RYR1: variants seen among roughly 807,000 people sequenced by gnomAD.
RYR1 encodes the protein ryanodine receptor 1.
RYR1 carries 342 observed loss-of-function variants against 583.5 expected under a neutral mutation model. That is an observed-to-expected ratio of 0.59 (90% CI 0.54 to 0.64). The LOEUF is 0.64. RYR1 is among the 30% of genes least tolerant of loss of function. The pLI is 0.00. For missense variants in RYR1, 6,032 were observed against 6,917.2 expected (o/e 0.87, Z 4.54); for synonymous variants, 2,791 against 2,822.5 (o/e 0.99, Z 0.35).
chr19:38,452,728 C>A, intron 12 of RYR1, 91 bp from the exon 13 acceptor site: 2 of 1,206,786 alleles, frequency 1.7e-6, no homozygotes, highest in Non-Finnish European at 2.3e-6. Context: ...ACGGGTGGGT[C>A]TGGGGGAGTC....
intron 13 of RYR1, among the ~76,000 whole-genome samples, chr19:38,453,427 C>T (rs1967197601): frequency 6.7e-6 from 1 of 149,778 alleles, no homozygotes; most frequent in African/African-American, 2.5e-5. Flanking sequence ...TCTGCTGGCG[C>T]GGGGTCTGTG....
chr19:38,564,821 T>C, intron 90 of RYR1, 138 bp from the exon 91 acceptor site: 1 of 1,451,976 alleles, frequency 6.9e-7, no homozygotes, highest in Non-Finnish European at 9.2e-7. Context: ...AGCCTGACCC[T>C]GTCTCAAAAA....
rs988702965 is a variant in RYR1, at chr19:38,469,314, C to T, written c.3566C>T (p.Pro1189Leu). The change falls in exon 27 of 106, where the codon CCC (proline) becomes CTC (leucine). Residue 1189 changes from proline to leucine, a missense_variant. This residue lies in a region of RYR1 where 2,627 missense variants were observed against 2,961.3 expected (regional missense o/e 0.89). Transcript: ENST00000359596. ...CATCCCCTCCCACCAGGCTTCCTGC[C>T]CGTCTGCAGCTTGGGACCTGGCCAG... ...REIEIGDGFL[P>L]VCSLGPGQVG... The T allele has an allele frequency of 1.2e-6, 2 of 1,613,774 alleles. No individual in the cohort carries two copies. The highest frequency in any genetic ancestry group is 1.3e-5 in the African/African-American group (1 of 74,924).
intron 66 of RYR1, 38 bp downstream of exon 66, chr19:38,517,729 A>G: frequency 6.3e-7 from 1 of 1,590,866 alleles, no homozygotes; most frequent in East Asian, 2.2e-5. Context: ...GGGGTGGGTC[A>G]GCAGCCTGGG....
intron 89 of RYR1, among the ~76,000 whole-genome samples, chr19:38,549,186 T>C (rs137981152): frequency 6.6e-6 from 1 of 152,246 alleles, no homozygotes; most frequent in Non-Finnish European, 1.5e-5. Context: ...AACATCCTTA[T>C]TCAGAAACCC....
At chr19:38,568,022 C>G in intron 93 of RYR1, 105 bp downstream of exon 93, 1 of 1,362,446 alleles carries the variant, frequency 7.3e-7, no homozygotes, top group South Asian at 1.2e-5. Flanking sequence ...TGTTCAAGCT[C>G]GTCTCTAAGA....
chr19:38,499,823 T>C lies in RYR1; in HGVS notation c.7214+2T>C, dbSNP rs1236310300. ...CCGCAGGGACCGGCGGCGCGAGCAG[T>C]GAGTCTCCCGGCCCCCTCCTCAATA... is the stretch of plus-strand genomic sequence containing the variant. On this transcript the variant is annotated splice_donor_variant, in intron 44 of 105. Transcript: ENST00000359596. LOFTEE classifies it high-confidence loss of function. This position sits in a 1 kb window ranked among gnomAD's most constrained non-coding sequence, Gnocchi z 7.3. 6.2e-7 allele frequency: 1 copy of C among 1,607,774 alleles called. No individual in the cohort carries two copies. Among genetic ancestry groups the C allele is most frequent in the Non-Finnish European group, 8.5e-7 (1 of 1,179,286 alleles).
rs183908889 is a variant in RYR1, at chr19:38,495,015, G to C, written c.6548+390G>C. 5.6e-3 allele frequency among the ~76,000 whole-genome samples: 852 copies of C among 151,990 alleles called. 7 individuals carry two copies. The highest frequency in any genetic ancestry group is 8.9e-3 in the Admixed American group (135 of 15,250). On this transcript the variant is annotated intron_variant, in intron 39 of 105. Transcript: ENST00000359596. ...TTACAGGCACGCACCACCATACCAG[G>C]CTAATTTTTTATATTTAGTAGAGAC...
intron 95 of RYR1, 122 bp from the exon 96 acceptor site, chr19:38,573,055 C>A (rs2145873381): frequency 1.3e-6 from 2 of 1,511,972 alleles, no homozygotes; most frequent in South Asian, 1.1e-5. Context: ...ACCCTTATCA[C>A]TGGGAAAGCA....
chr19:38,540,176 A>G (rs942905855), intron 84 of RYR1, among the ~76,000 whole-genome samples: 5 of 152,038 alleles, frequency 3.3e-5, no homozygotes, highest in African/African-American at 1.2e-4. Flanking sequence ...TGTTGCTATA[A>G]ACATTTAAAA....
At chr19:38,446,909 A>AGAG in intron 9 of RYR1, 141 bp downstream of exon 9, 1 of 686,362 alleles carries the variant, frequency 1.5e-6, no homozygotes, top group Non-Finnish European at 2.4e-6. Context: ...TGAGAGAGAG[A>AGAG]TGAAAATCTC....
At chr19:38,437,912 AG>A (rs1972496777) in intron 1 of RYR1, among the ~76,000 whole-genome samples, 1 of 151,474 alleles carries the variant, frequency 6.6e-6, no homozygotes, top group Admixed American at 6.6e-5. Flanking sequence ...CACTCAGCCT[AG>A]GAGTCCAAGG....
At chr19:38,572,945 C>A (rs866181346) in intron 95 of RYR1, among the ~76,000 whole-genome samples, 4 of 150,896 alleles carry the variant, frequency 2.7e-5, no homozygotes, top group Middle Eastern at 3.2e-3. Context: ...CACATTCCAG[C>A]CCTGACCCCC....
chr19:38,583,312 AAG>A (rs1974299975), intron 101 of RYR1, among the ~76,000 whole-genome samples: 1 of 150,892 alleles, frequency 6.6e-6, no homozygotes, highest in African/African-American at 2.4e-5. Context: ...AAAAAAAAAA[AAG>A]AAAAAAGTAC....
intron 1 of RYR1, among the ~76,000 whole-genome samples, chr19:38,436,612 T>G (rs1972440442): frequency 6.6e-6 from 1 of 152,214 alleles, no homozygotes; most frequent in African/African-American, 2.4e-5. Context: ...GCGACTATAC[T>G]GTGGTGTGTT....
chr19:38,538,824 C>T (rs918249155), intron 84 of RYR1, among the ~76,000 whole-genome samples: 3 of 152,186 alleles, frequency 2.0e-5, no homozygotes, highest in African/African-American at 7.2e-5. Context: ...TACACAACAT[C>T]AATGATGAGA....
chr19:38,496,645 C>T lies in RYR1; in HGVS notation c.6796+104C>T, dbSNP rs1600809755. ...AGCTCACTCATTCAACAAACACTCC[C>T]TCTCAACTGTGGTTCTGGCCCTGTA... On this transcript the variant is annotated intron_variant, in intron 41 of 105. Coordinates refer to ENST00000359596, the MANE Select transcript of RYR1 (RefSeq NM_000540.3). This position sits in a 1 kb window ranked among gnomAD's most constrained non-coding sequence, Gnocchi z 4.8. 3 of 1,428,026 alleles carry T rather than the reference C, an allele frequency of 2.1e-6. No homozygotes were observed. Among genetic ancestry groups the T allele is most frequent in the African/African-American group, 2.8e-5 (2 of 71,110 alleles). 88.5% of individuals were successfully genotyped at this position (1,428,026 alleles called of 1,614,324 possible).
At position 38,500,489 on chromosome 19, in the gene RYR1, G is replaced by C; in HGVS notation, c.7324-117G>C. 6.9e-7 allele frequency: 1 copy of C among 1,457,304 alleles called. No individual in the cohort carries two copies. The highest frequency in any genetic ancestry group is 9.5e-7 in the Non-Finnish European group (1 of 1,051,806). The allele number at this position is 1,457,304 out of a possible 1,614,324, so 90.3% of individuals were successfully genotyped here. On this transcript the variant is annotated intron_variant, in intron 45 of 105. Transcript: ENST00000359596. This position sits in a 1 kb window ranked among gnomAD's most constrained non-coding sequence, Gnocchi z 5.9. ...GAACGAGGGCTGGAAACTCTAGACA[G>C]CCTCCTGAGAAAGAGGCCTGCTCTA...
chr19:38,585,026 C>T lies in RYR1; in HGVS notation c.14730C>T (p.Tyr4910=), dbSNP rs755262240. The change falls in exon 102 of 106, where the codon TAC becomes TAT. Residue 4910 remains tyrosine (Y), a synonymous_variant. Transcript: ENST00000359596. ...TCGAGGACCCCGCGGGTGACGAATACGAGCTCTACAGGGTGGTCTTCGACA... is the reference window on the plus strand; with the variant it reads ...TCGAGGACCCCGCGGGTGACGAATATGAGCTCTACAGGGTGGTCTTCGACA... ...DEIEDPAGDE[Y]ELYRVVFDIT... The T allele has an allele frequency of 1.2e-5, 19 of 1,614,004 alleles. No homozygotes were observed. The highest frequency in any genetic ancestry group is 1.4e-5 in the Non-Finnish European group (17 of 1,179,988).
Sources: gnomAD v4.1 joint callset for allele counts (sites outside exome capture counted in the v4.1 genomes callset) on GRCh38, gnomAD v4.1.1 for gene constraint, gnomAD v4.1.1 regional missense constraint, Gnocchi (gnomAD v3.1) non-coding constraint, MANE v1.5 for transcripts, NCBI Gene and HGNC (gene_info 2026-07-23, HGNC 2026-07-21) for gene names.